CNTN1: variants seen among roughly 807,000 people sequenced by gnomAD.
The protein encoded by CNTN1 is contactin 1.
A neutral mutation model predicts 126.4 loss-of-function variants in CNTN1; 38 were observed. That is an observed-to-expected ratio of 0.30 (90% CI 0.23 to 0.39). CNTN1 has a LOEUF of 0.39. CNTN1 is among the 10% of genes least tolerant of loss of function. The pLI is 1.00. For synonymous variants in CNTN1, 413 were observed against 422.6 expected, an observed-to-expected ratio of 0.98 and a Z score of 0.28; for missense variants, 1,009 against 1,248.4, an observed-to-expected ratio of 0.81 and a Z score of 2.89.
chr12:40,982,403 A>G (rs1947842964), intron 16 of CNTN1, among the ~76,000 whole-genome samples: 1 of 152,208 alleles, frequency 6.6e-6, no homozygotes, highest in South Asian at 2.1e-4. Context: ...GCCACATTAA[A>G]ATAAGTAAAT....
At chr12:40,876,652 G>T (rs1943680343) in intron 1 of CNTN1, among the ~76,000 whole-genome samples, 1 of 151,988 alleles carries the variant, frequency 6.6e-6, no homozygotes, top group Non-Finnish European at 1.5e-5. Flanking sequence ...TTAAAAAGTT[G>T]TATGTGTCTA....
chr12:40,745,642 A>G (rs1938149857), intron 1 of CNTN1, among the ~76,000 whole-genome samples: 1 of 152,180 alleles, frequency 6.6e-6, no homozygotes, highest in Non-Finnish European at 1.5e-5. Context: ...AGACTTAAAA[A>G]GGTGCCAGCC....
At chr12:40,973,000 T>C (rs1947566887) in intron 15 of CNTN1, among the ~76,000 whole-genome samples, 1 of 152,054 alleles carries the variant, frequency 6.6e-6, no homozygotes, top group Admixed American at 6.6e-5. Context: ...AAGTATTTTG[T>C]TTTTTAAAGA....
At chr12:40,806,625 G>A (rs1200534118) in intron 1 of CNTN1, among the ~76,000 whole-genome samples, 3 of 152,106 alleles carry the variant, frequency 2.0e-5, no homozygotes, top group African/African-American at 7.2e-5. Flanking sequence ...TATCCTTGGA[G>A]CCTGCAAGTG....
At chr12:40,781,826 C>G (rs566173330) in intron 1 of CNTN1, among the ~76,000 whole-genome samples, 2 of 151,860 alleles carry the variant, frequency 1.3e-5, no homozygotes, top group African/African-American at 4.8e-5. Flanking sequence ...ATTTATTTAA[C>G]GCATGTTTAT....
intron 3 of CNTN1, among the ~76,000 whole-genome samples, chr12:40,917,352 A>T (rs1271381644): frequency 1.3e-5 from 2 of 152,110 alleles, no homozygotes; most frequent in Admixed American, 1.3e-4. Context: ...ATTGTCTCAA[A>T]ATAATTCTGA....
intron 1 of CNTN1, among the ~76,000 whole-genome samples, chr12:40,707,087 C>T (rs1213377010): frequency 2.4e-5 from 3 of 125,820 alleles, no homozygotes; most frequent in Non-Finnish European, 3.4e-5. Context: ...CACACACACA[C>T]ACCCCTGCTC....
At chr12:40,982,110 A>G (rs1206231297) in intron 16 of CNTN1, among the ~76,000 whole-genome samples, 1 of 152,156 alleles carries the variant, frequency 6.6e-6, no homozygotes, top group Non-Finnish European at 1.5e-5. Flanking sequence ...TAAATCAAAT[A>G]TAAACTTGAG....
intron 1 of CNTN1, among the ~76,000 whole-genome samples, chr12:40,783,161 G>A (rs776618956): frequency 6.6e-6 from 1 of 151,940 alleles, no homozygotes; most frequent in Non-Finnish European, 1.5e-5. Flanking sequence ...AGAAAGTCGA[G>A]TGAAGAATAG....
At chr12:41,059,298 C>T in intron 23 of CNTN1, among the ~76,000 whole-genome samples, 1 of 152,124 alleles carries the variant, frequency 6.6e-6, no homozygotes, top group East Asian at 1.9e-4. Flanking sequence ...ACCAACAGAA[C>T]TTTTTGCCCC....
chr12:40,811,978 G>A (rs1027886675), intron 1 of CNTN1, among the ~76,000 whole-genome samples: 1 of 149,010 alleles, frequency 6.7e-6, no homozygotes, highest in Admixed American at 6.7e-5. Flanking sequence ...GAGATGTAAT[G>A]TTAGGTTGTT....
chr12:40,981,938 TAA>T (rs777634250), intron 16 of CNTN1, among the ~76,000 whole-genome samples: 36 of 141,344 alleles, frequency 2.5e-4, no homozygotes, highest in Admixed American at 6.4e-4. Context: ...TTTAAAAAAC[TAA>T]AAAAAAAAAA....
chr12:40,721,281 C>T (rs1942203207), intron 1 of CNTN1, among the ~76,000 whole-genome samples: 1 of 152,010 alleles, frequency 6.6e-6, no homozygotes, highest in Admixed American at 6.6e-5. Flanking sequence ...ACATTCTCTG[C>T]CCCAAAATGG....
intron 1 of CNTN1, among the ~76,000 whole-genome samples, chr12:40,760,902 T>A (rs1938838628): frequency 6.6e-6 from 1 of 151,988 alleles, no homozygotes; most frequent in African/African-American, 2.4e-5. Flanking sequence ...CCATGTTACC[T>A]GTGTTCCCCT....
At chr12:40,693,242 G>A (rs916655456) in intron 1 of CNTN1, among the ~76,000 whole-genome samples, 4 of 152,246 alleles carry the variant, frequency 2.6e-5, no homozygotes, top group Admixed American at 6.5e-5. Context: ...TCTGCGGCAG[G>A]TGGGAGGGAG....
At chr12:40,730,744 T>G (rs1942477402) in intron 1 of CNTN1, among the ~76,000 whole-genome samples, 1 of 152,148 alleles carries the variant, frequency 6.6e-6, no homozygotes, top group Non-Finnish European at 1.5e-5. Context: ...TTTTCCAGAG[T>G]GTCTGAGGCC....
chr12:40,888,310 A>G (rs928670629), intron 1 of CNTN1, among the ~76,000 whole-genome samples: 2 of 152,136 alleles, frequency 1.3e-5, no homozygotes, highest in African/African-American at 4.8e-5. Context: ...AGTGTTACCC[A>G]TTTCCTTATA....
intron 23 of CNTN1, among the ~76,000 whole-genome samples, chr12:41,054,501 TCTC>T (rs1460697431): frequency 1.3e-5 from 2 of 152,016 alleles, no homozygotes; most frequent in Non-Finnish European, 2.9e-5. Context: ...ATGGTAATTC[TCTC>T]CTCATTTTAA....
At chr12:40,902,049 T>A (rs1431516842) in intron 1 of CNTN1, among the ~76,000 whole-genome samples, 2 of 152,238 alleles carry the variant, frequency 1.3e-5, no homozygotes, top group Non-Finnish European at 2.9e-5. Flanking sequence ...AAGTGCTTAA[T>A]TGACTTTGTA....
Sources: gnomAD v4.1 joint callset for allele counts (sites outside exome capture counted in the v4.1 genomes callset) on GRCh38, gnomAD v4.1.1 for gene constraint, MANE v1.5 for transcripts, NCBI Gene and HGNC (gene_info 2026-07-23, HGNC 2026-07-21) for gene names.